MINK1: variants seen among roughly 807,000 people sequenced by gnomAD.
The protein encoded by MINK1 is misshapen like kinase 1.
Under a neutral mutation model 178.4 loss-of-function variants are expected in MINK1, and 46 were observed. The ratio of observed to expected loss-of-function variants is 0.26; its 90% confidence interval spans 0.20 to 0.33. The LOEUF (loss-of-function observed/expected upper bound fraction) is 0.33, where lower values mean the gene tolerates loss of function less well. MINK1 is among the 10% of genes least tolerant of loss of function. The pLI is 1.00. For missense variants in MINK1, 1,366 were observed against 1,814.9 expected, an observed-to-expected ratio of 0.75 and a Z score of 4.49; for synonymous variants, 797 against 709.7, an observed-to-expected ratio of 1.12 and a Z score of -1.96.
chr17:4,877,728 A>T (rs11658802), intron 1 of MINK1, among the ~76,000 whole-genome samples: 92,991 of 150,210 alleles, frequency 0.62, 30,458 homozygotes, highest in Non-Finnish European at 0.74. Flanking sequence ...GAGGGTACAG[A>T]CGCAGTTTCT....
chr17:4,889,599 G>C (rs1968563102), intron 12 of MINK1, 48 bp from the exon 13 acceptor site: 1 of 1,483,108 alleles, frequency 6.7e-7, no homozygotes, highest in Non-Finnish European at 9.2e-7. Context: ...GGGCAGTGCT[G>C]ACGCGATGTC....
At chr17:4,897,075 GAGTCTCCTCCTGC>G in intron 31 of MINK1, 116 bp from the exon 32 acceptor site, 1 of 898,960 alleles carries the variant, frequency 1.1e-6, no homozygotes, top group Non-Finnish European at 1.7e-6. Flanking sequence ...GGGGCACTGT[GAGTCTCCTCCTGC>G]AGTCTCTGTG....
rs372800953 is a variant in MINK1, at chr17:4,895,727, C to T, written c.3259C>T (p.Leu1087=). The T allele has an allele frequency of 1.1e-4, 170 of 1,613,536 alleles. No individual in the cohort carries two copies. The Middle Eastern group carries it at 1.2e-3, about 11-fold the overall frequency. Residue 1087 remains leucine (L), a synonymous_variant, in exon 27 of 32, where the codon CTG becomes TTG. Coordinates refer to ENST00000355280, the MANE Select transcript of MINK1 (RefSeq NM_153827.5). This position sits in a 1 kb window ranked among gnomAD's most constrained non-coding sequence, Gnocchi z 4.3. ...AAGGAACAAACTGCGGGTGTATTAC[C>T]TGTCCTGGCTCCGGAACAAGATTCT... ...GKRNKLRVYY[L]SWLRNKILHN...
At chr17:4,892,958 T>G in intron 19 of MINK1, 21 bp from the exon 20 acceptor site, 1 of 1,542,762 alleles carries the variant, frequency 6.5e-7, no homozygotes, top group Non-Finnish European at 8.8e-7. Context: ...ATCAGTGACC[T>G]TCTTCCACCC....
chr17:4,862,654 A>G (rs930080674), intron 1 of MINK1, among the ~76,000 whole-genome samples: 1 of 109,210 alleles, frequency 9.2e-6, no homozygotes. Flanking sequence ...AATCCATCTC[A>G]AAAAAAAAAA....
chr17:4,881,128 T>G lies in MINK1; in HGVS notation c.181-4T>G, dbSNP rs375621423. On this transcript the variant is annotated splice_polypyrimidine_tract_variant and splice_region_variant and intron_variant, in intron 3 of 31. Coordinates refer to ENST00000355280, the MANE Select transcript of MINK1 (RefSeq NM_153827.5). The stretch of plus-strand genomic sequence containing the variant: ...TCAGGGCTCAGCTCCTCCCATCTGC[T>G]TAGGACGAGGAGGAAGAGATCAAAC... 1 of 1,536,914 alleles carries G rather than the reference T, an allele frequency of 6.5e-7. No individual in the cohort carries two copies. The highest frequency in any genetic ancestry group is 8.7e-7 in the Non-Finnish European group (1 of 1,146,832).
chr17:4,892,313 G>C (rs1597569630), intron 17 of MINK1, 79 bp downstream of exon 17: 2 of 1,454,404 alleles, frequency 1.4e-6, no homozygotes, highest in East Asian at 5.0e-5. Context: ...GACTTTACCA[G>C]CCTACCCGCC....
intron 4 of MINK1, among the ~76,000 whole-genome samples, chr17:4,881,490 C>A (rs1967696945): frequency 1.3e-5 from 2 of 152,178 alleles, no homozygotes; most frequent in African/African-American, 2.4e-5. Flanking sequence ...GGGGAGGGGT[C>A]CTGGCGTTTG....
At position 4,897,264 on chromosome 17, in the gene MINK1, C is replaced by T. The variant is rs200856469; in HGVS notation, c.3976C>T (p.Arg1326Cys). 30 of 1,613,746 alleles carry T rather than the reference C, an allele frequency of 1.9e-5. No homozygotes were observed. The highest frequency in any genetic ancestry group is 3.3e-4 in the Middle Eastern group (2 of 6,056). ...CCAAGTTTACTTCATGACTCTGAAC[C>T]GTAACTGCATCATGAACTGGTGACG... The part of the protein sequence containing the change: ...SSQVYFMTLN[R>C]NCIMNW The change falls in exon 32 of 32, where the codon CGT becomes TGT. Residue 1326 changes from arginine to cysteine, a missense_variant. Physicochemically the swap from Arg to Cys is radical, Grantham distance 180. Transcript: ENST00000355280.
intron 1 of MINK1, among the ~76,000 whole-genome samples, chr17:4,858,004 C>T (rs1300704325): frequency 2.0e-5 from 3 of 152,142 alleles, no homozygotes; most frequent in Admixed American, 1.3e-4. Flanking sequence ...ATCCCTTCCC[C>T]TGTGGTGGCT....
intron 1 of MINK1, among the ~76,000 whole-genome samples, chr17:4,858,894 T>G (rs1358011426): frequency 6.6e-6 from 1 of 152,184 alleles, no homozygotes; most frequent in Non-Finnish European, 1.5e-5. Flanking sequence ...GAGGGGTCTC[T>G]CCCAGACTAG....
chr17:4,863,780 C>CATTATG (rs1555532579), intron 1 of MINK1, among the ~76,000 whole-genome samples: 1 of 148,814 alleles, frequency 6.7e-6, no homozygotes, highest in Non-Finnish European at 1.5e-5. Flanking sequence ...CTAGCTGTCT[C>CATTATG]ATTATTATTA....
Position 4,895,510 on chromosome 17 carries a change from T to TG in MINK1, c.3229+22dup. The TG allele has an allele frequency of 6.4e-7, 1 of 1,559,448 alleles. No homozygotes were observed. Among genetic ancestry groups the TG allele is most frequent in the Non-Finnish European group, 8.7e-7 (1 of 1,148,902 alleles). ...CCATCTCAGGTACAGGTGTGGTGAG[T>TG]GGGGGAGGGAGGAGGGGCTCAGCTC... On this transcript the variant is annotated intron_variant, in intron 26 of 31. Coordinates refer to ENST00000355280, the MANE Select transcript of MINK1 (RefSeq NM_153827.5). This position sits in a 1 kb window ranked among gnomAD's most constrained non-coding sequence, Gnocchi z 4.3.
intron 1 of MINK1, chr17:4,857,315 G>T: frequency 5.6e-6 from 1 of 178,134 alleles, no homozygotes; most frequent in Non-Finnish European, 1.2e-5. Flanking sequence ...TGGAGACCAT[G>T]GTGGCCATAG....
Position 4,884,818 on chromosome 17 carries a change from ACTGACTG to A in MINK1, c.418-91_418-85del. On this transcript the variant is annotated intron_variant, in intron 5 of 31. Transcript: ENST00000355280. ...GCTCCTTCAGCCCAGCCCTGTCCAG[ACTGACTG>A]CTCCTTGTCCCCTCAACTCACTCCC... 3.6e-6 allele frequency: 4 copies of A among 1,103,002 alleles called. No homozygotes were observed. The South Asian group carries it at 5.5e-5, about 15-fold the overall frequency. 68.3% of individuals were successfully genotyped at this position (1,103,002 alleles called of 1,614,324 possible). A position where few individuals can be genotyped will look rare whatever the true frequency, so the allele number is the denominator to read the frequency against.
At chr17:4,890,771 T>G in intron 14 of MINK1, 36 bp downstream of exon 14, 1 of 1,536,344 alleles carries the variant, frequency 6.5e-7, no homozygotes, top group Non-Finnish European at 8.8e-7. Flanking sequence ...GAGACTGCAG[T>G]CCCACTGCCT....
chr17:4,877,809 C>CTTTT (rs1198512639), intron 1 of MINK1, among the ~76,000 whole-genome samples: 1 of 122,400 alleles, frequency 8.2e-6, no homozygotes, highest in African/African-American at 3.3e-5. Flanking sequence ...TCTCTCACTT[C>CTTTT]TTTTTTTTTT....
Position 4,891,502 on chromosome 17 carries a change from T to G in MINK1, c.1787T>G (p.Val596Gly), listed in dbSNP as rs776548817. 1 of 1,610,666 alleles carries G rather than the reference T, an allele frequency of 6.2e-7. No homozygotes were observed. Reference sequence around the variant, plus strand: ...CCACTGAAGCCATATGCAGCACCTGTACCCCGATCCCAGTCCCTGCAGGAC... The same window carrying G: ...CCACTGAAGCCATATGCAGCACCTGGACCCCGATCCCAGTCCCTGCAGGAC... ...RVPLKPYAAP[V>G]PRSQSLQDQP... The change falls in exon 16 of 32, where the codon GTA becomes GGA. Residue 596 changes from valine to glycine, a missense_variant. By Grantham distance (109) the Val-to-Gly change is moderately radical. Around this residue, in one of 14 missense-constraint regions of MINK1, gnomAD observed 709 missense variants for 692.3 expected, o/e 1.02. Coordinates refer to ENST00000355280, the MANE Select transcript of MINK1 (RefSeq NM_153827.5).
Position 4,885,035 on chromosome 17 carries a change from CT to C in MINK1, c.508+36del. 6.2e-7 allele frequency: 1 copy of C among 1,603,744 alleles called. No homozygotes were observed. Among genetic ancestry groups the C allele is most frequent in the Non-Finnish European group, 8.5e-7 (1 of 1,171,414 alleles). On this transcript the variant is annotated intron_variant, in intron 6 of 31. Coordinates refer to ENST00000355280, the MANE Select transcript of MINK1 (RefSeq NM_153827.5). This position sits in a 1 kb window ranked among gnomAD's most constrained non-coding sequence, Gnocchi z 5.0. ...GGCTCCTTCTGAGGCTGACGAGGACCTTTCACCTCCAGAACAGAGAATGAGG... is the reference window on the plus strand; with the variant it reads ...GGCTCCTTCTGAGGCTGACGAGGACCTTCACCTCCAGAACAGAGAATGAGG...
Sources: allele counts gnomAD v4.1 joint callset (sites outside exome capture counted in the v4.1 genomes callset), GRCh38; gene constraint gnomAD v4.1.1; regional missense constraint gnomAD v4.1.1; non-coding constraint Gnocchi (gnomAD v3.1); transcripts MANE v1.5; gene names NCBI Gene and HGNC (gene_info 2026-07-23, HGNC 2026-07-21).